The following RTN1 variants were observed in gnomAD, a reference collection of about 807,000 sequenced individuals.
The protein encoded by RTN1 is reticulon-1.
A neutral mutation model predicts 65.5 loss-of-function variants in RTN1; 25 were observed. The observed-to-expected ratio is 0.38, with a 90% confidence interval of 0.28 to 0.53. RTN1 has a LOEUF of 0.53. Among genes scored for constraint, RTN1 ranks in the 20% least tolerant of loss-of-function variants. The probability of loss-of-function intolerance (pLI) is 0.79; values close to 1 mark genes in which losing one functional copy is unlikely to be tolerated. For synonymous variants in RTN1, 471 were observed against 447.6 expected (o/e 1.05, Z -0.66); for missense variants, 983 against 1,025.4 (o/e 0.96, Z 0.57).
rs76675829 is a variant in RTN1, at chr14:59,851,938, C to T, written c.241+18452G>A. On this transcript the variant is annotated intron_variant, in intron 1 of 8. Coordinates refer to ENST00000267484, the MANE Select transcript of RTN1 (RefSeq NM_021136.3). ...CATCCAAACTGTAAACAGAACTGCT[C>T]GGTTTTAAAATACTGTACAATTTCT... Among the ~76,000 whole-genome samples, 1,296 of 151,802 alleles carry T rather than the reference C, an allele frequency of 8.5e-3. 17 individuals are homozygous for T. Among genetic ancestry groups the T allele is most frequent in the African/African-American group, 0.03 (1,231 of 41,398 alleles).
chr14:59,809,359 T>C (rs1460973563), intron 1 of RTN1, among the ~76,000 whole-genome samples: 1 of 152,082 alleles, frequency 6.6e-6, no homozygotes, highest in Non-Finnish European at 1.5e-5. Flanking sequence ...ATGATTCTTA[T>C]TTCTTTATAA....
In RTN1 at chr14:59,766,152, C is replaced by T. The variant is rs1885845361; in HGVS notation, c.242-19671G>A. Among the ~76,000 whole-genome samples, 1 of 152,086 alleles carries T rather than the reference C, an allele frequency of 6.6e-6. No homozygotes were observed. Among genetic ancestry groups the T allele is most frequent in the Admixed American group, 6.6e-5 (1 of 15,262 alleles). ...GGCTGAGGCAGGACTATTGCTTGAA[C>T]CCGGGAGGCAGACATTGCAGTGAGT... On this transcript the variant is annotated intron_variant, in intron 1 of 8. Coordinates refer to ENST00000267484, the MANE Select transcript of RTN1 (RefSeq NM_021136.3). The surrounding 1 kb of genome is among the most constrained non-coding windows in gnomAD (Gnocchi z 4.4).
chr14:59,725,188 G>T (rs962718900), intron 3 of RTN1, among the ~76,000 whole-genome samples: 3 of 152,198 alleles, frequency 2.0e-5, no homozygotes, highest in African/African-American at 7.2e-5. Context: ...TCAGGTGTCT[G>T]GTCAGTCAGT....
At chr14:59,731,155 A>G (rs1884887351) in intron 2 of RTN1, among the ~76,000 whole-genome samples, 1 of 152,248 alleles carries the variant, frequency 6.6e-6, no homozygotes, top group East Asian at 1.9e-4. Context: ...ATATCCATAC[A>G]ATGGAATATT....
chr14:59,840,325 G>A (rs1887288353), intron 1 of RTN1, among the ~76,000 whole-genome samples: 1 of 152,068 alleles, frequency 6.6e-6, no homozygotes, highest in South Asian at 2.1e-4. Context: ...ACATAAAATA[G>A]AGTCCAGAAG....
At chr14:59,778,659 T>C (rs952640716) in intron 1 of RTN1, among the ~76,000 whole-genome samples, 7 of 152,144 alleles carry the variant, frequency 4.6e-5, no homozygotes, top group African/African-American at 1.7e-4. Flanking sequence ...TTGTGCAGCA[T>C]ACAGCAGGCA....
chr14:59,858,364 C>T (rs908417605), intron 1 of RTN1, among the ~76,000 whole-genome samples: 1 of 152,028 alleles, frequency 6.6e-6, no homozygotes, highest in African/African-American at 2.4e-5. Flanking sequence ...TCAGAGTGAG[C>T]TGAAAAATTC....
intron 8 of RTN1, among the ~76,000 whole-genome samples, chr14:59,600,851 T>A (rs1881557077): frequency 6.6e-6 from 1 of 152,178 alleles, no homozygotes; most frequent in Non-Finnish European, 1.5e-5. Context: ...AAGTACATTG[T>A]ATATACTTTA....
chr14:59,621,927 A>G (rs4502122), intron 3 of RTN1, among the ~76,000 whole-genome samples: 11,897 of 152,336 alleles, frequency 0.078, 581 homozygotes, highest in Non-Finnish European at 0.12. Context: ...GTGCATAATT[A>G]TCTGCATTAT....
At chr14:59,655,361 T>C (rs1010199652) in intron 3 of RTN1, among the ~76,000 whole-genome samples, 2 of 152,248 alleles carry the variant, frequency 1.3e-5, no homozygotes, top group Admixed American at 1.3e-4. Context: ...GATTTGACAT[T>C]GTTAACATGG....
At chr14:59,770,994 G>A (rs951270547) in intron 1 of RTN1, among the ~76,000 whole-genome samples, 10 of 150,974 alleles carry the variant, frequency 6.6e-5, no homozygotes, top group African/African-American at 1.5e-4. Context: ...GCAGTGAGCC[G>A]ATATGGCGCC....
intron 1 of RTN1, among the ~76,000 whole-genome samples, chr14:59,750,124 T>TATTATAGATATAATATATATTA (rs1555358825): frequency 1.3e-5 from 1 of 75,002 alleles, no homozygotes; most frequent in African/African-American, 6.2e-5. Flanking sequence ...ATAATATATA[T>TATTATAGATATAATATATATTA]TATCTATAAT....
chr14:59,626,180 A>G (rs988154345), intron 3 of RTN1, among the ~76,000 whole-genome samples: 2 of 152,176 alleles, frequency 1.3e-5, no homozygotes, highest in Non-Finnish European at 2.9e-5. Flanking sequence ...GCTAAAACAG[A>G]TTATTTCCTC....
chr14:59,704,227 T>C (rs1884240690), intron 3 of RTN1, among the ~76,000 whole-genome samples: 1 of 152,180 alleles, frequency 6.6e-6, no homozygotes, highest in South Asian at 2.1e-4. Context: ...AGTCCCAGCA[T>C]AAGAATTTTA....
intron 3 of RTN1, among the ~76,000 whole-genome samples, chr14:59,684,409 G>C (rs1183027366): frequency 1.3e-5 from 2 of 151,930 alleles, no homozygotes; most frequent in Admixed American, 1.3e-4. Context: ...CCACAGGATG[G>C]TTCTAAAATT....
Position 59,727,987 on chromosome 14 carries a change from T to C in RTN1, c.1016-319A>G, listed in dbSNP as rs187674103. On this transcript the variant is annotated intron_variant, in intron 2 of 8. Transcript: ENST00000267484. This position sits in a 1 kb window ranked among gnomAD's most constrained non-coding sequence, Gnocchi z 4.2. ...ATCTCAGTTGGTGTTCCTGTTTCAA[T>C]GCAGAGAAGATTCTACAAGTCATCG... is the stretch of plus-strand genomic sequence containing the variant. Among the ~76,000 whole-genome samples, 1 of 152,322 alleles carries C rather than the reference T, an allele frequency of 6.6e-6. No homozygotes were observed. Among genetic ancestry groups the C allele is most frequent in the East Asian group, 1.9e-4 (1 of 5,172 alleles).
chr14:59,687,495 C>T (rs549251400), intron 3 of RTN1, among the ~76,000 whole-genome samples: 1 of 151,978 alleles, frequency 6.6e-6, no homozygotes, highest in African/African-American at 2.4e-5. Context: ...AGACTAGTAG[C>T]TTGAGTCAGC....
At chr14:59,763,782 C>CG (rs1477064144) in intron 1 of RTN1, among the ~76,000 whole-genome samples, 1 of 152,096 alleles carries the variant, frequency 6.6e-6, no homozygotes, top group Non-Finnish European at 1.5e-5. Context: ...CCACCTGCCT[C>CG]GGCCTCCCAA....
intron 3 of RTN1, among the ~76,000 whole-genome samples, chr14:59,652,079 A>C (rs1258481631): frequency 2.6e-5 from 4 of 152,198 alleles, no homozygotes; most frequent in Non-Finnish European, 5.9e-5. Flanking sequence ...ATGAAAAAAA[A>C]CCTCAACATC....
Sources: allele counts gnomAD v4.1 joint callset (sites outside exome capture counted in the v4.1 genomes callset), GRCh38; gene constraint gnomAD v4.1.1; non-coding constraint Gnocchi (gnomAD v3.1); transcripts MANE v1.5; gene names NCBI Gene and HGNC (gene_info 2026-07-23, HGNC 2026-07-21).